KCNH1: variants seen among roughly 807,000 people sequenced by gnomAD.
KCNH1 encodes voltage-gated delayed rectifier potassium channel KCNH1.
A neutral mutation model predicts 69.2 loss-of-function variants in KCNH1; 27 were observed. The observed-to-expected ratio is 0.39, with a 90% CI of 0.29 to 0.54. The LOEUF (loss-of-function observed/expected upper bound fraction) is 0.54, where lower values mean the gene tolerates loss of function less well. Among genes scored for constraint, KCNH1 ranks in the 20% least tolerant of loss-of-function variants. KCNH1 has a pLI of 0.68. For missense variants in KCNH1, 798 were observed against 1,261.6 expected (o/e 0.63, Z 5.57); for synonymous variants, 456 against 487.7 (o/e 0.93, Z 0.86).
chr1:210,697,777 C>T (rs1288230944), intron 10 of KCNH1, among the ~76,000 whole-genome samples: 1 of 152,232 alleles, frequency 6.6e-6, no homozygotes, highest in Non-Finnish European at 1.5e-5. Context: ...TGCAGTTTGC[C>T]AAGGGCAATA....
At chr1:210,984,836 T>C (rs1208967230) in intron 6 of KCNH1, among the ~76,000 whole-genome samples, 1 of 152,202 alleles carries the variant, frequency 6.6e-6, no homozygotes, top group African/African-American at 2.4e-5. Context: ...TTTCTATTGA[T>C]TGGAATAGTT....
chr1:211,105,702 G>A (rs979610955), intron 2 of KCNH1, among the ~76,000 whole-genome samples: 4 of 152,208 alleles, frequency 2.6e-5, no homozygotes, highest in Admixed American at 1.3e-4. Context: ...AGGAAAGGCT[G>A]TTCAAGTCAC....
intron 5 of KCNH1, 42 bp from the exon 6 acceptor site, chr1:211,019,298 T>A (rs774205089): frequency 5.3e-6 from 7 of 1,318,644 alleles, no homozygotes; most frequent in Non-Finnish European, 7.4e-6. Flanking sequence ...AAGTTAGGAT[T>A]TAATTGCAAG....
chr1:210,966,910 T>C (rs56998447), intron 6 of KCNH1, among the ~76,000 whole-genome samples: 2,566 of 152,278 alleles, frequency 0.017, 73 homozygotes, highest in African/African-American at 0.059. Context: ...TAAAGACACA[T>C]GCACATGTAT....
At chr1:210,882,836 C>A (rs1239091162) in intron 7 of KCNH1, among the ~76,000 whole-genome samples, 1 of 152,144 alleles carries the variant, frequency 6.6e-6, no homozygotes, top group Admixed American at 6.6e-5. Context: ...TAATTAGAAG[C>A]CACATCAGGC....
chr1:210,966,933 A>C (rs1237583055), intron 6 of KCNH1, among the ~76,000 whole-genome samples: 1 of 152,264 alleles, frequency 6.6e-6, no homozygotes, highest in Admixed American at 6.5e-5. Flanking sequence ...TTATTGTGGC[A>C]CTGTTCACAA....
chr1:210,884,857 T>C (rs1481936595), intron 7 of KCNH1, among the ~76,000 whole-genome samples: 2 of 152,190 alleles, frequency 1.3e-5, no homozygotes, highest in Non-Finnish European at 2.9e-5. Flanking sequence ...TTCCATCCCT[T>C]CTGGAGGAGA....
intron 10 of KCNH1, among the ~76,000 whole-genome samples, chr1:210,753,200 T>A (rs1683319009): frequency 6.6e-6 from 1 of 152,118 alleles, no homozygotes; most frequent in African/African-American, 2.4e-5. Flanking sequence ...AAACGAATAA[T>A]TAGGGGATCC....
At chr1:210,813,927 A>T (rs1684760981) in intron 7 of KCNH1, among the ~76,000 whole-genome samples, 1 of 152,128 alleles carries the variant, frequency 6.6e-6, no homozygotes, top group Non-Finnish European at 1.5e-5. Flanking sequence ...TTCCCCACAC[A>T]AGTTTTCTCT....
intron 4 of KCNH1, among the ~76,000 whole-genome samples, chr1:211,088,204 T>C (rs552287302): frequency 3.3e-5 from 5 of 152,372 alleles, no homozygotes; most frequent in African/African-American, 1.2e-4. Flanking sequence ...TCTGAGATTT[T>C]AGATTATCCA....
chr1:210,876,588 C>A (rs1350133092), intron 7 of KCNH1, among the ~76,000 whole-genome samples: 1 of 152,114 alleles, frequency 6.6e-6, no homozygotes. Flanking sequence ...GCTCTTCTCC[C>A]TACATCTACA....
In KCNH1 at chr1:210,678,359, T is replaced by G. The variant is rs1411791784; in HGVS notation, c.*4922A>C. 1 of 152,188 alleles carries G rather than the reference T, an allele frequency of 6.6e-6. No homozygotes were observed. The highest frequency in any genetic ancestry group is 6.5e-5 in the Admixed American group (1 of 15,288). The allele number at this position is 152,188 out of a possible 1,614,324, so 9.4% of individuals were successfully genotyped here. On this transcript the variant is annotated 3_prime_UTR_variant, in exon 11 of 11. Transcript: ENST00000271751. ...TACCATAATAAATAAAACTTTTTTT[T>G]TTTACAAATATCATTTGTGCTTGTT... is the stretch of plus-strand genomic sequence containing the variant.
chr1:211,079,638 C>T (rs923587609), intron 5 of KCNH1, among the ~76,000 whole-genome samples: 2 of 152,184 alleles, frequency 1.3e-5, no homozygotes, highest in African/African-American at 4.8e-5. Flanking sequence ...TTGGCTTAAT[C>T]CCTGGGATGC....
intron 5 of KCNH1, among the ~76,000 whole-genome samples, chr1:211,022,573 C>T (rs1653158656): frequency 6.6e-6 from 1 of 152,108 alleles, no homozygotes; most frequent in Non-Finnish European, 1.5e-5. Flanking sequence ...GCAAACTATT[C>T]ATCTGACAAG....
intron 6 of KCNH1, among the ~76,000 whole-genome samples, chr1:210,961,078 C>T (rs1688283527): frequency 6.6e-6 from 1 of 152,118 alleles, no homozygotes; most frequent in African/African-American, 2.4e-5. Flanking sequence ...ATTTTATCAT[C>T]TGTATCATGT....
intron 4 of KCNH1, among the ~76,000 whole-genome samples, chr1:211,089,123 GTTT>G (rs1365173069): frequency 6.6e-6 from 1 of 152,084 alleles, no homozygotes; most frequent in African/African-American, 2.4e-5. Flanking sequence ...CATAACTTAA[GTTT>G]TTAAGAGAAA....
At chr1:211,023,479 A>G (rs753312281) in intron 5 of KCNH1, among the ~76,000 whole-genome samples, 230 of 151,744 alleles carry the variant, frequency 1.5e-3, no homozygotes, top group South Asian at 2.5e-3. Flanking sequence ...GCCATAAAAA[A>G]AGAATGAAAT....
At chr1:210,996,304 C>T (rs576029365) in intron 6 of KCNH1, among the ~76,000 whole-genome samples, 57 of 152,288 alleles carry the variant, frequency 3.7e-4, no homozygotes, top group African/African-American at 1.2e-3. Flanking sequence ...GCTTTTCCAA[C>T]GGGCTTAAAA....
intron 10 of KCNH1, among the ~76,000 whole-genome samples, chr1:210,748,214 C>T (rs561134234): frequency 1.6e-4 from 25 of 152,166 alleles, no homozygotes; most frequent in Admixed American, 3.3e-4. Context: ...CTCCCCAGGG[C>T]GTGACGCAGG....
Sources: gnomAD v4.1 joint callset for allele counts (sites outside exome capture counted in the v4.1 genomes callset) on GRCh38, gnomAD v4.1.1 for gene constraint, MANE v1.5 for transcripts, NCBI Gene and HGNC (gene_info 2026-07-23, HGNC 2026-07-21) for gene names.